Variants in BIRC6 observed in about 807,000 individuals in gnomAD.
BIRC6 encodes the protein baculoviral IAP repeat containing 6, also known as dual E2 ubiquitin-conjugating enzyme/E3 ubiquitin-protein ligase BIRC6.
A neutral mutation model predicts 503.3 loss-of-function variants in BIRC6; 98 were observed. That is an observed-to-expected ratio of 0.19 (90% confidence interval 0.17 to 0.23). BIRC6 has a LOEUF of 0.23. BIRC6 is among the 10% of genes least tolerant of loss of function. The probability of loss-of-function intolerance (pLI) is 1.00; values close to 1 mark genes in which losing one functional copy is unlikely to be tolerated. For missense variants in BIRC6, 5,360 were observed against 5,806.0 expected (o/e 0.92, Z 2.50); for synonymous variants, 2,240 against 2,078.7 (o/e 1.08, Z -2.11).
chr2:32,560,459 T>A (rs1207006402), intron 65 of BIRC6, among the ~76,000 whole-genome samples: 1 of 152,240 alleles, frequency 6.6e-6, no homozygotes, highest in African/African-American at 2.4e-5. Context: ...TAATGCTAAC[T>A]CAATAGAGTA....
chr2:32,496,561 T>G (rs953056933), intron 45 of BIRC6, among the ~76,000 whole-genome samples: 1 of 152,184 alleles, frequency 6.6e-6, no homozygotes, highest in Non-Finnish European at 1.5e-5. Flanking sequence ...GAATTTATGT[T>G]TTTGTCTGTT....
chr2:32,552,477 A>G (rs149026459), intron 65 of BIRC6, among the ~76,000 whole-genome samples: 35 of 152,332 alleles, frequency 2.3e-4, no homozygotes, highest in African/African-American at 8.2e-4. Context: ...TTAGTTCTGA[A>G]CATCTTTGCA....
At position 32,545,553 on chromosome 2, in the gene BIRC6, A is replaced by G. The variant is rs1010339339; in HGVS notation, c.12593-90A>G. 9.5e-6 allele frequency: 10 copies of G among 1,048,494 alleles called. No individual in the cohort carries two copies. The African/African-American group carries it at 1.6e-4, about 16-fold the overall frequency. The allele number at this position is 1,048,494 out of a possible 1,614,324, so 64.9% of individuals were successfully genotyped here. On this transcript the variant is annotated intron_variant, in intron 62 of 73. Transcript: ENST00000421745. The stretch of plus-strand genomic sequence containing the variant: ...ATTTAGTGGTATACTTTTGTATTAC[A>G]GTGTCATTATTAATTTATGACCCTG...
chr2:32,493,699 A>G (rs1218793235), intron 45 of BIRC6, 32 bp downstream of exon 45: 3 of 1,509,100 alleles, frequency 2.0e-6, no homozygotes, highest in Non-Finnish European at 2.7e-6. Context: ...TGTTCCTGAT[A>G]TAGAAGTAAC....
At chr2:32,447,115 A>G (rs1433042597) in intron 21 of BIRC6, among the ~76,000 whole-genome samples, 1 of 149,000 alleles carries the variant, frequency 6.7e-6, no homozygotes, top group African/African-American at 2.5e-5. Context: ...AATTTTTCTT[A>G]GTACAGAACA....
intron 54 of BIRC6, among the ~76,000 whole-genome samples, chr2:32,514,673 T>C (rs1159057992): frequency 6.6e-6 from 1 of 151,892 alleles, no homozygotes; most frequent in Non-Finnish European, 1.5e-5. Context: ...CATGATTTTT[T>C]TGTTTGTTTG....
chr2:32,455,602 G>A (rs1364697795), intron 23 of BIRC6, among the ~76,000 whole-genome samples: 1 of 152,144 alleles, frequency 6.6e-6, no homozygotes, highest in Non-Finnish European at 1.5e-5. Context: ...ACTCTAGCCT[G>A]GGTGACAGAG....
At chr2:32,442,042 GTT>G (rs1367908425) in intron 17 of BIRC6, 21 bp from the exon 18 acceptor site, 1 of 1,494,968 alleles carries the variant, frequency 6.7e-7, no homozygotes, top group East Asian at 2.3e-5. Flanking sequence ...TTGGTAATGT[GTT>G]TATATTTTCT....
intron 42 of BIRC6, among the ~76,000 whole-genome samples, chr2:32,489,338 C>T (rs1046134410): frequency 3.3e-5 from 5 of 152,022 alleles, no homozygotes; most frequent in Non-Finnish European, 7.4e-5. Flanking sequence ...GTGCCAGCTC[C>T]ACTGAGTCAC....
chr2:32,472,645 A>G (rs1558825331), intron 32 of BIRC6, among the ~76,000 whole-genome samples: 1 of 152,218 alleles, frequency 6.6e-6, no homozygotes, highest in African/African-American at 2.4e-5. Context: ...GAAATATTCC[A>G]AAAAAGGAGA....
In BIRC6 at chr2:32,412,816, C is replaced by T. The variant is rs183099538; in HGVS notation, c.1478-1953C>T. 3.3e-5 allele frequency among the ~76,000 whole-genome samples: 5 copies of T among 152,166 alleles called. No homozygotes were observed. In the East Asian group the frequency reaches 9.6e-4, roughly 29 times the overall value. ...ACAATCTTTTTTAATGGATATTTTG[C>T]ATAGCGCATAAATGACAGATGCATA... On this transcript the variant is annotated intron_variant, in intron 9 of 73. Transcript: ENST00000421745.
At chr2:32,456,968 TTG>T in intron 23 of BIRC6, among the ~76,000 whole-genome samples, 2 of 152,190 alleles carry the variant, frequency 1.3e-5, no homozygotes, top group African/African-American at 4.8e-5. Context: ...TCTTGCTATG[TTG>T]CCCAGGCTGG....
At chr2:32,413,199 A>G (rs1317224888) in intron 9 of BIRC6, among the ~76,000 whole-genome samples, 10 of 101,262 alleles carry the variant, frequency 9.9e-5, no homozygotes, top group Admixed American at 3.6e-4. Flanking sequence ...TTTTTTTTTG[A>G]GACATAGTCT....
At chr2:32,420,594 A>G (rs570491564) in intron 10 of BIRC6, among the ~76,000 whole-genome samples, 41 of 152,074 alleles carry the variant, frequency 2.7e-4, no homozygotes, top group Admixed American at 9.8e-4. Flanking sequence ...GCTCACTGCA[A>G]CCTCTGCCTC....
intron 50 of BIRC6, among the ~76,000 whole-genome samples, chr2:32,506,988 C>A (rs1168956802): frequency 1.3e-5 from 2 of 151,880 alleles, no homozygotes; most frequent in East Asian, 1.9e-4. Context: ...AAAATAAAAC[C>A]AAATTTCAAA....
At chr2:32,441,574 C>A (rs1415638390) in intron 17 of BIRC6, 112 bp downstream of exon 17, 3 of 958,860 alleles carry the variant, frequency 3.1e-6, no homozygotes, top group Non-Finnish European at 4.5e-6. Context: ...TTTTTTTGTC[C>A]ATTTTTCTTA....
At chr2:32,456,390 A>G (rs998797714) in intron 23 of BIRC6, among the ~76,000 whole-genome samples, 1 of 152,214 alleles carries the variant, frequency 6.6e-6, no homozygotes, top group Admixed American at 6.5e-5. Context: ...TCCGAATGCA[A>G]CAAAATTTAT....
intron 10 of BIRC6, 56 bp from the exon 11 acceptor site, chr2:32,429,090 G>C: frequency 7.1e-7 from 1 of 1,409,616 alleles, no homozygotes; most frequent in Non-Finnish European, 9.6e-7. Context: ...TATTACATTT[G>C]AATATTTGAA....
intron 24 of BIRC6, 82 bp from the exon 25 acceptor site, chr2:32,464,427 A>G (rs2048315394): frequency 7.2e-7 from 1 of 1,386,374 alleles, no homozygotes; most frequent in Non-Finnish European, 9.6e-7. Context: ...GTTTATCTTC[A>G]TAATATATGT....
Sources: allele counts gnomAD v4.1 joint callset (sites outside exome capture counted in the v4.1 genomes callset), GRCh38; gene constraint gnomAD v4.1.1; transcripts MANE v1.5; gene names NCBI Gene and HGNC (gene_info 2026-07-23, HGNC 2026-07-21).